The following WASHC3 variants were observed in gnomAD, a reference collection of about 807,000 sequenced individuals.
WASHC3 encodes WASH complex subunit 3.
In WASHC3, 24 loss-of-function variants were observed where a neutral mutation model predicts 26.1. The observed-to-expected ratio is 0.92, with a 90% confidence interval of 0.66 to 1.29. The LOEUF (loss-of-function observed/expected upper bound fraction) is 1.29. Among genes scored for constraint, WASHC3 ranks in the 50% most tolerant of loss-of-function variants. The pLI, the probability that WASHC3 is intolerant of heterozygous loss-of-function variation, is 0.00. For missense variants in WASHC3, 214 were observed against 229.6 expected (o/e 0.93, Z 0.44); for synonymous variants, 77 against 75.7 (o/e 1.02, Z -0.09).
At chr12:102,035,943 G>A (rs1463363052) in intron 5 of WASHC3, among the ~76,000 whole-genome samples, 2 of 152,226 alleles carry the variant, frequency 1.3e-5, no homozygotes, top group African/African-American at 2.4e-5. Context: ...GGACGCAATC[G>A]TAGGAGCATG....
chr12:102,046,355 G>A (rs997732588), intron 2 of WASHC3, among the ~76,000 whole-genome samples: 2 of 152,054 alleles, frequency 1.3e-5, no homozygotes, highest in African/African-American at 4.8e-5. Flanking sequence ...GAGCGCAGTG[G>A]TGCGATCTCG....
chr12:102,033,746 T>C (rs1029909782), intron 5 of WASHC3, among the ~76,000 whole-genome samples: 1 of 150,616 alleles, frequency 6.6e-6, no homozygotes, highest in African/African-American at 2.4e-5. Context: ...CAGAAAGAGT[T>C]TTTTTTTTTG....
chr12:102,027,611 A>G (rs1197820417), intron 5 of WASHC3, among the ~76,000 whole-genome samples: 1 of 152,190 alleles, frequency 6.6e-6, no homozygotes, highest in Non-Finnish European at 1.5e-5. Flanking sequence ...TACTTCAAAA[A>G]AACTGTCCAG....
intron 4 of WASHC3, chr12:102,043,814 C>T (rs1358172712): frequency 6.1e-6 from 1 of 164,006 alleles, no homozygotes; most frequent in African/African-American, 2.4e-5. Flanking sequence ...TACATTTCTT[C>T]TAAGAACCTA....
chr12:102,039,127 G>GTTTTTTT (rs151151284), intron 5 of WASHC3, among the ~76,000 whole-genome samples: 5 of 84,242 alleles, frequency 5.9e-5, no homozygotes, highest in Admixed American at 1.2e-4. Flanking sequence ...TATGGAGTTA[G>GTTTTTTT]GTTTTTTTTT....
intron 6 of WASHC3, among the ~76,000 whole-genome samples, chr12:102,016,864 A>G (rs1433285995): frequency 2.0e-5 from 3 of 152,238 alleles, no homozygotes; most frequent in Admixed American, 1.3e-4. Context: ...AAATAGTTAA[A>G]AAGGTAAAAA....
chr12:102,025,092 G>A (rs1005302693), intron 6 of WASHC3, among the ~76,000 whole-genome samples: 2 of 152,090 alleles, frequency 1.3e-5, no homozygotes, highest in Non-Finnish European at 2.9e-5. Flanking sequence ...ACTTCATAAT[G>A]TTTTACCTCC....
At chr12:102,047,908 T>A (rs941146918) in intron 2 of WASHC3, among the ~76,000 whole-genome samples, 3 of 152,176 alleles carry the variant, frequency 2.0e-5, no homozygotes, top group Non-Finnish European at 4.4e-5. Flanking sequence ...TAGGAACTAT[T>A]ATGCCAATTT....
At chr12:102,050,164 A>G (rs1347382125) in intron 2 of WASHC3, 2 of 337,654 alleles carry the variant, frequency 5.9e-6, no homozygotes, top group Non-Finnish European at 1.2e-5. Context: ...AATACAAAAA[A>G]TTAGCCAGGT....
At chr12:102,016,235 T>G (rs1727381746) in intron 6 of WASHC3, among the ~76,000 whole-genome samples, 1 of 151,962 alleles carries the variant, frequency 6.6e-6, no homozygotes, top group Non-Finnish European at 1.5e-5. Flanking sequence ...AACAGAGTCT[T>G]GCTCTGTCAC....
intron 5 of WASHC3, among the ~76,000 whole-genome samples, chr12:102,039,532 G>C (rs1877848890): frequency 6.6e-6 from 1 of 151,888 alleles, no homozygotes. Context: ...AATAATATGG[G>C]GATTAAGCTA....
chr12:102,019,876 C>T (rs1876875338), intron 6 of WASHC3, among the ~76,000 whole-genome samples: 1 of 152,124 alleles, frequency 6.6e-6, no homozygotes, highest in Non-Finnish European at 1.5e-5. Flanking sequence ...ACAAATCTGC[C>T]CTTTTTAGCA....
At chr12:102,015,888 T>C (rs189660428) in intron 6 of WASHC3, among the ~76,000 whole-genome samples, 1 of 152,310 alleles carries the variant, frequency 6.6e-6, no homozygotes, top group East Asian at 1.9e-4. Context: ...TACTGTACTT[T>C]CTGTTATTTT....
At chr12:102,037,953 G>T (rs1259701880) in intron 5 of WASHC3, among the ~76,000 whole-genome samples, 2 of 151,924 alleles carry the variant, frequency 1.3e-5, no homozygotes, top group African/African-American at 4.8e-5. Context: ...GTGCCACCAT[G>T]ACCAGCTAAT....
chr12:102,046,052 A>C lies in WASHC3; in HGVS notation c.216+2T>G. On this transcript the variant is annotated splice_donor_variant, in intron 3 of 6. Coordinates refer to ENST00000240079, the MANE Select transcript of WASHC3 (RefSeq NM_016053.4). LOFTEE classifies it high-confidence loss of function. ...TACTACAAATTATTGAGAAATACCA[A>C]CCTTTGCATCTAAAATATTGAGAGT... 1.3e-6 allele frequency: 2 copies of C among 1,560,354 alleles called. No homozygotes were observed. The highest frequency in any genetic ancestry group is 1.8e-6 in the Non-Finnish European group (2 of 1,138,712).
intron 2 of WASHC3, among the ~76,000 whole-genome samples, chr12:102,053,859 A>G (rs1878487849): frequency 6.6e-6 from 1 of 151,888 alleles, no homozygotes; most frequent in African/African-American, 2.4e-5. Context: ...ATGAAAGTTA[A>G]CAGACAAAAC....
chr12:102,048,270 A>G (rs899642770), intron 2 of WASHC3: 2 of 151,736 alleles, frequency 1.3e-5, no homozygotes, highest in African/African-American at 4.9e-5. Flanking sequence ...GTTTAAAAAC[A>G]TAGTTAAAAA....
At chr12:102,024,750 C>G (rs1203210743) in intron 6 of WASHC3, among the ~76,000 whole-genome samples, 2 of 152,098 alleles carry the variant, frequency 1.3e-5, no homozygotes, top group Admixed American at 6.5e-5. Context: ...TTTCCAGAAG[C>G]AAAAGGAGGT....
intron 5 of WASHC3, among the ~76,000 whole-genome samples, chr12:102,027,349 T>C (rs1043481986): frequency 2.0e-5 from 3 of 152,176 alleles, no homozygotes; most frequent in Non-Finnish European, 4.4e-5. Flanking sequence ...TGTCCAGATA[T>C]ACTCCTCCCC....
Sources: allele counts gnomAD v4.1 joint callset (sites outside exome capture counted in the v4.1 genomes callset), GRCh38; gene constraint gnomAD v4.1.1; transcripts MANE v1.5; gene names NCBI Gene and HGNC (gene_info 2026-07-23, HGNC 2026-07-21).